Variants in CACHD1 observed in about 807,000 individuals in gnomAD.
The protein encoded by CACHD1 is cache domain containing 1.
Under a neutral mutation model 138.7 loss-of-function variants are expected in CACHD1, and 71 were observed. That is an observed-to-expected ratio of 0.51 (90% CI 0.42 to 0.62). The LOEUF (loss-of-function observed/expected upper bound fraction) is 0.62, where lower values mean the gene tolerates loss of function less well. Ranked by LOEUF, CACHD1 falls within the 20% of genes least tolerant of loss-of-function variation. The probability of loss-of-function intolerance (pLI) is 0.00; values close to 1 mark genes in which losing one functional copy is unlikely to be tolerated. For missense variants in CACHD1, 1,389 were observed against 1,625.3 expected (o/e 0.85, Z 2.50); for synonymous variants, 578 against 591.5 (o/e 0.98, Z 0.33).
At chr1:64,605,746 C>G (rs1157242083) in intron 4 of CACHD1, among the ~76,000 whole-genome samples, 2 of 152,194 alleles carry the variant, frequency 1.3e-5, no homozygotes, top group African/African-American at 2.4e-5. Flanking sequence ...CTGTGGCAGC[C>G]AGGGCCTCAT....
rs190474627 is a variant in CACHD1 at position 64,617,722 on chromosome 1, C to T, written c.518-11633C>T. Among the ~76,000 whole-genome samples the T allele has an allele frequency of 3.7e-3, 566 of 152,270 alleles. 3 individuals carry two copies. The highest frequency in any genetic ancestry group is 8.2e-3 in the Admixed American group (126 of 15,302). Reference sequence around the variant, plus strand: ...TCACTGAGCAACATGGCCTATGTCCCATTCAGGTCACAGGGTTTAAGTCAC... The same window carrying T: ...TCACTGAGCAACATGGCCTATGTCCTATTCAGGTCACAGGGTTTAAGTCAC... On this transcript the variant is annotated intron_variant, in intron 4 of 26. Coordinates refer to ENST00000651257, the MANE Select transcript of CACHD1 (RefSeq NM_020925.4).
Position 64,664,488 on chromosome 1 carries a change from T to C in CACHD1, c.2095-10T>C, listed in dbSNP as rs759106290. 6.8e-6 allele frequency: 11 copies of C among 1,613,704 alleles called. No individual in the cohort carries two copies. Among genetic ancestry groups the C allele is most frequent in the Non-Finnish European group, 9.3e-6 (11 of 1,179,748 alleles). On this transcript the variant is annotated splice_polypyrimidine_tract_variant and intron_variant, in intron 14 of 26. Coordinates refer to ENST00000651257, the MANE Select transcript of CACHD1 (RefSeq NM_020925.4). ...AAAGGATCCCTGCTATGTCTTCCTTTGTTTCCCAGTTCTCTGTCAGAAATG... is the reference window on the plus strand; with the variant it reads ...AAAGGATCCCTGCTATGTCTTCCTTCGTTTCCCAGTTCTCTGTCAGAAATG...
chr1:64,522,301 C>T (rs993891554), intron 1 of CACHD1, among the ~76,000 whole-genome samples: 1 of 106,414 alleles, frequency 9.4e-6, no homozygotes, highest in Admixed American at 1.2e-4. Context: ...TTCCTCTCAA[C>T]CCCCACATTT....
At chr1:64,548,763 A>G (rs1209867282) in intron 1 of CACHD1, among the ~76,000 whole-genome samples, 1 of 152,248 alleles carries the variant, frequency 6.6e-6, no homozygotes, top group Non-Finnish European at 1.5e-5. Context: ...ATTCACTGCC[A>G]AATAAGTTCA....
Position 64,675,530 on chromosome 1 carries a change from A to C in CACHD1, c.2857A>C (p.Met953Leu), listed in dbSNP as rs1176326575. The C allele has an allele frequency of 6.2e-7, 1 of 1,612,900 alleles. No individual in the cohort carries two copies. Among genetic ancestry groups the C allele is most frequent in the African/African-American group, 1.3e-5 (1 of 74,932 alleles). ...CTCTCTTGCCTTCTGTGCCTGCAGC[A>C]TGGTGGACCGACTCTGTCTCAACTG... is the stretch of plus-strand genomic sequence containing the variant. The part of the protein sequence containing the change: ...CDSLAFCACS[M>L]VDRLCLNCHR... Residue 953 changes from methionine (M) to leucine (L), a missense_variant, in exon 20 of 27, where the codon ATG becomes CTG. Met to Leu is a conservative substitution (Grantham distance 15, BLOSUM62 2). Transcript: ENST00000651257.
chr1:64,550,236 C>T (rs1436744), intron 1 of CACHD1, among the ~76,000 whole-genome samples: 137,322 of 152,228 alleles, frequency 0.9, 62,289 homozygotes, highest in East Asian at 1. Flanking sequence ...TGTTAGTGTC[C>T]GTAAACAATT....
At chr1:64,480,814 T>G (rs1646205990) in intron 1 of CACHD1, among the ~76,000 whole-genome samples, 1 of 151,906 alleles carries the variant, frequency 6.6e-6, no homozygotes, top group South Asian at 2.1e-4. Context: ...ATTTTGAAAT[T>G]GGATTTTATG....
chr1:64,647,885 T>A lies in CACHD1; in HGVS notation c.1241T>A (p.Met414Lys), dbSNP rs6588100. The A allele has an allele frequency of 6.2e-7, 1 of 1,614,150 alleles. No individual in the cohort carries two copies. Among genetic ancestry groups the A allele is most frequent in the Non-Finnish European group, 8.5e-7 (1 of 1,180,020 alleles). Residue 414 changes from methionine (M) to lysine (K), a missense_variant, in exon 9 of 27, where the codon ATG becomes AAG. Met to Lys is a moderately conservative substitution (Grantham distance 95, BLOSUM62 -1). Around this residue, in one of 5 missense-constraint regions of CACHD1, gnomAD observed 1,000 missense variants for 1,114.7 expected, o/e 0.90. Coordinates refer to ENST00000651257, the MANE Select transcript of CACHD1 (RefSeq NM_020925.4). ...GGGAAGTACGGTGTGCCAGACCGGA[T>A]GGCCTTGCCTGTGATTAAGGGCAGC... Reference protein sequence around the residue: ...NSGKYGVPDRMALPVIKGSMM... With the variant: ...NSGKYGVPDRKALPVIKGSMM...
intron 1 of CACHD1, among the ~76,000 whole-genome samples, chr1:64,509,130 C>T (rs551510808): frequency 1.4e-3 from 214 of 152,202 alleles, no homozygotes; most frequent in African/African-American, 4.9e-3. Flanking sequence ...TAGCTTGTTC[C>T]TAACTATGAG....
chr1:64,542,378 C>T (rs901358711), intron 1 of CACHD1, among the ~76,000 whole-genome samples: 1 of 152,068 alleles, frequency 6.6e-6, no homozygotes, highest in African/African-American at 2.4e-5. Flanking sequence ...TAAGCATTTC[C>T]CTTTGTTATA....
At position 64,611,599 on chromosome 1, in the gene CACHD1, C is replaced by T. The variant is rs1647536048; in HGVS notation, c.517+8687C>T. ...TTTGCTAAAGCATAGCAAGAGTGGC[C>T]TTTGCTCCAGTTCCCAATAAGTTCC... On this transcript the variant is annotated intron_variant, in intron 4 of 26. Coordinates refer to ENST00000651257, the MANE Select transcript of CACHD1 (RefSeq NM_020925.4). 3.3e-5 allele frequency among the ~76,000 whole-genome samples: 5 copies of T among 152,326 alleles called. No individual in the cohort carries two copies. The South Asian group carries it at 8.3e-4, about 25-fold the overall frequency.
chr1:64,629,445 A>C lies in CACHD1; in HGVS notation c.608A>C (p.Lys203Thr), dbSNP rs749028756. The change falls in exon 5 of 27, where the codon AAG (lysine) becomes ACG (threonine). Residue 203 changes from lysine to threonine, a missense_variant. This residue lies in a region of CACHD1 where 1,000 missense variants were observed against 1,114.7 expected (regional missense o/e 0.90). Coordinates refer to ENST00000651257, the MANE Select transcript of CACHD1 (RefSeq NM_020925.4). ...EGIFTVFPAH[K>T]FRCKGSYEHR... is the part of the protein sequence containing the mutation. ...ATTTTCACTGTTTTCCCAGCACACA[A>C]GTTCCGGTGTAAGGGCAGCTACGAA... 67 of 1,614,022 alleles carry C rather than the reference A, an allele frequency of 4.2e-5. No individual in the cohort carries two copies. The highest frequency in any genetic ancestry group is 3.8e-4 in the South Asian group (35 of 91,074).
intron 13 of CACHD1, among the ~76,000 whole-genome samples, chr1:64,663,237 G>A (rs1336305838): frequency 6.8e-6 from 1 of 147,556 alleles, no homozygotes; most frequent in Admixed American, 6.8e-5. Flanking sequence ...GCTCCCTGAA[G>A]GGAGAGAATG....
At chr1:64,489,363 A>G (rs942420647) in intron 1 of CACHD1, among the ~76,000 whole-genome samples, 2 of 152,062 alleles carry the variant, frequency 1.3e-5, no homozygotes, top group African/African-American at 4.8e-5. Flanking sequence ...CCAAACTAAA[A>G]GCCATTTTTA....
chr1:64,576,908 T>G (rs1646972668), intron 2 of CACHD1, among the ~76,000 whole-genome samples: 1 of 132,090 alleles, frequency 7.6e-6, no homozygotes, highest in Non-Finnish European at 1.8e-5. Context: ...TGTTTGTTTG[T>G]TTTTTTTTTT....
intron 2 of CACHD1, among the ~76,000 whole-genome samples, chr1:64,551,180 T>C (rs187562392): frequency 5.5e-4 from 83 of 152,240 alleles, no homozygotes; most frequent in African/African-American, 2.0e-3. Context: ...AAGCAGCTCA[T>C]TGGATGTTGG....
intron 1 of CACHD1, among the ~76,000 whole-genome samples, chr1:64,514,805 T>C (rs1456147732): frequency 2.0e-5 from 3 of 152,252 alleles, no homozygotes; most frequent in Non-Finnish European, 4.4e-5. Context: ...ATTCTTATAA[T>C]TTCTACCTGT....
At chr1:64,568,532 T>C (rs1646901471) in intron 2 of CACHD1, among the ~76,000 whole-genome samples, 1 of 152,148 alleles carries the variant, frequency 6.6e-6, no homozygotes, top group African/African-American at 2.4e-5. Flanking sequence ...TAGCTCCCCA[T>C]CTCCCCACCC....
In CACHD1 at chr1:64,473,574, G is replaced by T. The variant is rs909232716; in HGVS notation, c.198+2632G>T. 3.4e-4 allele frequency among the ~76,000 whole-genome samples: 52 copies of T among 152,052 alleles called. 1 individual carries two copies. Among genetic ancestry groups the T allele is most frequent in the Non-Finnish European group, 1.0e-4 (7 of 68,018 alleles). ...ACTTCCTACGAAGATGGTCAGGGTGGGGGTGGAGAGGGGGATAGTTGTGTC... is the reference window on the plus strand; with the variant it reads ...ACTTCCTACGAAGATGGTCAGGGTGTGGGTGGAGAGGGGGATAGTTGTGTC... On this transcript the variant is annotated intron_variant, in intron 1 of 26. Coordinates refer to ENST00000651257, the MANE Select transcript of CACHD1 (RefSeq NM_020925.4).
Sources: allele counts gnomAD v4.1 joint callset (sites outside exome capture counted in the v4.1 genomes callset), GRCh38; gene constraint gnomAD v4.1.1; regional missense constraint gnomAD v4.1.1; transcripts MANE v1.5; gene names NCBI Gene and HGNC (gene_info 2026-07-23, HGNC 2026-07-21).